The following SNX10 variants were observed in gnomAD, a reference collection of about 807,000 sequenced individuals.
The protein encoded by SNX10 is sorting nexin 10.
In SNX10, 25 loss-of-function variants were observed where a neutral mutation model predicts 28.5. That is an observed-to-expected ratio of 0.88 (90% CI 0.64 to 1.22). The LOEUF is 1.22. SNX10 is among the 50% of genes most tolerant of loss of function. SNX10 has a pLI of 0.00. For synonymous variants in SNX10, 62 were observed against 81.4 expected, an observed-to-expected ratio of 0.76 and a Z score of 1.28; for missense variants, 223 against 242.6, an observed-to-expected ratio of 0.92 and a Z score of 0.54.
chr7:26,292,119 C>T (rs925293010), intron 1 of SNX10, 33 bp downstream of exon 1: 1 of 152,606 alleles, frequency 6.6e-6, no homozygotes, highest in East Asian at 1.9e-4. Context: ...AGGGGGCCTC[C>T]CCTGCACCGC....
At chr7:26,334,389 C>T (rs1224111981) in intron 1 of SNX10, among the ~76,000 whole-genome samples, 1 of 152,140 alleles carries the variant, frequency 6.6e-6, no homozygotes, top group Non-Finnish European at 1.5e-5. Context: ...TGTAATTTTT[C>T]ACAGCTTCTT....
chr7:26,320,221 A>T (rs1787258074), intron 1 of SNX10, among the ~76,000 whole-genome samples: 1 of 151,728 alleles, frequency 6.6e-6, no homozygotes, highest in Non-Finnish European at 1.5e-5. Context: ...ACCTCAAGTG[A>T]TCTGCCTGCC....
chr7:26,298,655 A>G (rs560227415), intron 1 of SNX10, among the ~76,000 whole-genome samples: 5 of 152,356 alleles, frequency 3.3e-5, no homozygotes, highest in Non-Finnish European at 4.4e-5. Context: ...AAAATGGAAA[A>G]TGTTCATTAT....
rs911269721 is a variant in SNX10 at position 26,373,777 on chromosome 7, T to C, written c.*1205T>C. On this transcript the variant is annotated 3_prime_UTR_variant, in exon 7 of 7. Coordinates refer to ENST00000338523, the MANE Select transcript of SNX10 (RefSeq NM_013322.3). The surrounding 1 kb of genome is among the most constrained non-coding windows in gnomAD (Gnocchi z 4.2). Reference sequence around the variant, plus strand: ...TAACTTGTTGCTTTGTTACCCAGCCTAATTGAAGAGTGGCAGAGGCTACTA... The same window carrying C: ...TAACTTGTTGCTTTGTTACCCAGCCCAATTGAAGAGTGGCAGAGGCTACTA... 2 of 152,056 alleles carry C rather than the reference T, an allele frequency of 1.3e-5. No homozygotes were observed. The highest frequency in any genetic ancestry group is 4.8e-5 in the African/African-American group (2 of 41,440). 9.4% of individuals were successfully genotyped at this position (152,056 alleles called of 1,614,324 possible).
chr7:26,295,340 G>A (rs1030413101), intron 1 of SNX10, among the ~76,000 whole-genome samples: 2 of 152,124 alleles, frequency 1.3e-5, no homozygotes, highest in Admixed American at 6.5e-5. Context: ...GGGATTACAG[G>A]TGTGAGCTAC....
intron 1 of SNX10, among the ~76,000 whole-genome samples, chr7:26,325,306 A>AATATATATATATATATATATAT (rs149785859): frequency 0.049 from 2,517 of 51,096 alleles, 512 homozygotes; most frequent in Non-Finnish European, 0.088. Context: ...AAGTTTGCAA[A>AATATATATATATATATATATAT]ATATATATAT....
intron 2 of SNX10, among the ~76,000 whole-genome samples, chr7:26,356,693 A>G (rs1166197849): frequency 6.6e-6 from 1 of 152,220 alleles, no homozygotes; most frequent in Non-Finnish European, 1.5e-5. Context: ...GCCTGGTACA[A>G]GTCTTAGGGG....
At chr7:26,292,554 G>A (rs1785966695) in intron 1 of SNX10, among the ~76,000 whole-genome samples, 2 of 152,142 alleles carry the variant, frequency 1.3e-5, no homozygotes, top group Admixed American at 1.3e-4. Flanking sequence ...GTGGGATTGA[G>A]GGAGAAGGCC....
intron 1 of SNX10, among the ~76,000 whole-genome samples, chr7:26,300,871 T>A (rs1318706389): frequency 6.6e-6 from 1 of 151,718 alleles, no homozygotes; most frequent in Non-Finnish European, 1.5e-5. Flanking sequence ...ATACAAAAAT[T>A]AGCCAGGTGT....
chr7:26,355,484 A>G (rs1788784199), intron 2 of SNX10, among the ~76,000 whole-genome samples: 1 of 152,278 alleles, frequency 6.6e-6, no homozygotes, highest in South Asian at 2.1e-4. Flanking sequence ...GATTCCTTTC[A>G]ATAGCATCTT....
chr7:26,305,757 G>A (rs945637342), intron 1 of SNX10, among the ~76,000 whole-genome samples: 3 of 152,194 alleles, frequency 2.0e-5, no homozygotes, highest in Non-Finnish European at 4.4e-5. Flanking sequence ...AAACGGTGGC[G>A]TCTATTTTGA....
intron 1 of SNX10, among the ~76,000 whole-genome samples, chr7:26,345,813 C>T (rs1347676572): frequency 6.6e-6 from 1 of 152,136 alleles, no homozygotes; most frequent in Non-Finnish European, 1.5e-5. Context: ...AATGAGCTTA[C>T]ATACCAAGTG....
chr7:26,309,811 G>A (rs1430390860), intron 1 of SNX10, among the ~76,000 whole-genome samples: 2 of 152,096 alleles, frequency 1.3e-5, no homozygotes, highest in Non-Finnish European at 2.9e-5. Flanking sequence ...TGCCTGGGCC[G>A]CGATCCTGGC....
chr7:26,354,298 T>C (rs1788731658), intron 2 of SNX10: 1 of 152,158 alleles, frequency 6.6e-6, no homozygotes, highest in African/African-American at 2.4e-5. Flanking sequence ...GTGAAATGTC[T>C]CTTCATATCT....
At chr7:26,349,622 A>C (rs1033137082) in intron 2 of SNX10, among the ~76,000 whole-genome samples, 6 of 152,228 alleles carry the variant, frequency 3.9e-5, no homozygotes, top group Non-Finnish European at 8.8e-5. Flanking sequence ...TACAATTAAA[A>C]TATTATGGTT....
chr7:26,303,401 C>G (rs1786454272), intron 1 of SNX10, among the ~76,000 whole-genome samples: 1 of 152,208 alleles, frequency 6.6e-6, no homozygotes, highest in African/African-American at 2.4e-5. Context: ...TGGGGCTTCT[C>G]TACTTGCACA....
At chr7:26,305,787 C>T (rs1391215725) in intron 1 of SNX10, among the ~76,000 whole-genome samples, 3 of 152,216 alleles carry the variant, frequency 2.0e-5, no homozygotes, top group Non-Finnish European at 4.4e-5. Flanking sequence ...CAAACTGAGT[C>T]TGTAGACAGA....
intron 1 of SNX10, among the ~76,000 whole-genome samples, chr7:26,342,035 T>C (rs1193354237): frequency 2.1e-5 from 3 of 141,632 alleles, no homozygotes; most frequent in Admixed American, 7.0e-5. Flanking sequence ...TTTCTTTTTT[T>C]TTTTTTTTTA....
intron 5 of SNX10, among the ~76,000 whole-genome samples, chr7:26,367,292 A>G (rs1462003296): frequency 2.0e-5 from 3 of 152,146 alleles, no homozygotes; most frequent in African/African-American, 7.2e-5. Context: ...CCTTGTCCTG[A>G]CACTTCCTTC....
Sources: allele counts gnomAD v4.1 joint callset (sites outside exome capture counted in the v4.1 genomes callset), GRCh38; gene constraint gnomAD v4.1.1; non-coding constraint Gnocchi (gnomAD v3.1); transcripts MANE v1.5; gene names NCBI Gene and HGNC (gene_info 2026-07-23, HGNC 2026-07-21).